LRWD1: variants seen among roughly 807,000 people sequenced by gnomAD.
The protein encoded by LRWD1 is leucine rich repeats and WD repeat domain containing 1, also known as leucine-rich repeat and WD repeat-containing protein 1.
A neutral mutation model predicts 75.6 loss-of-function variants in LRWD1; 76 were observed. The observed-to-expected ratio is 1.01, with a 90% CI of 0.84 to 1.22. The LOEUF (loss-of-function observed/expected upper bound fraction) is 1.22, where lower values mean the gene tolerates loss of function less well. Among genes scored for constraint, LRWD1 ranks in the 50% most tolerant of loss-of-function variants. The pLI is 0.00. For missense variants in LRWD1, 917 were observed against 862.0 expected, an observed-to-expected ratio of 1.06 and a Z score of -0.80; for synonymous variants, 487 against 377.0, an observed-to-expected ratio of 1.29 and a Z score of -3.38.
At chr7:102,466,343 A>C (rs1203753519) in intron 3 of LRWD1, 73 bp downstream of exon 3, 23 of 1,271,174 alleles carry the variant, frequency 1.8e-5, no homozygotes, top group Non-Finnish European at 2.6e-5. Context: ...ATTGGACATC[A>C]GGAGGATGTT....
intron 11 of LRWD1, chr7:102,471,693 C>T (rs1247116629): frequency 6.2e-6 from 1 of 160,496 alleles, no homozygotes; most frequent in South Asian, 1.8e-4. Flanking sequence ...CAAGCAGACA[C>T]TCCCACACAC....
At position 102,468,595 on chromosome 7, in the gene LRWD1, G is replaced by T. The variant is rs1471142179; in HGVS notation, c.961G>T (p.Val321Leu). ...QTVATCGGEAVCVIDCQTGIV... is the reference protein window; with the variant it reads ...QTVATCGGEALCVIDCQTGIV... ...CGTGGCCACGTGCGGCGGGGAGGCT[G>T]TGTGCGTAATTGATTGCCAGACGGG... Residue 321 changes from valine (V) to leucine (L), a missense_variant, in exon 8 of 15, where the codon GTG becomes TTG. Coordinates refer to ENST00000292616, the MANE Select transcript of LRWD1 (RefSeq NM_152892.3). The T allele has an allele frequency of 1.3e-6, 2 of 1,578,432 alleles. No homozygotes were observed. The highest frequency in any genetic ancestry group is 1.7e-6 in the Non-Finnish European group (2 of 1,162,026).
chr7:102,472,333 C>T (rs1368876223), intron 12 of LRWD1, 24 bp downstream of exon 12: 2 of 1,558,230 alleles, frequency 1.3e-6, no homozygotes, highest in Admixed American at 3.9e-5. Context: ...GCTTGTGGGA[C>T]AGCCTGGCCT....
rs1333123359 is a variant in LRWD1 at position 102,472,499 on chromosome 7, G to A, written c.1580G>A (p.Arg527Lys). 8 of 1,548,426 alleles carry A rather than the reference G, an allele frequency of 5.2e-6. No individual in the cohort carries two copies. The highest frequency in any genetic ancestry group is 7.0e-6 in the Non-Finnish European group (8 of 1,146,874). ...GGCACCATCTGCCTGTGGAGCTGGA[G>A]GCAGACGTGGGGGGGCCGGGGCAGC... is the stretch of plus-strand genomic sequence containing the variant. ...GLGTICLWSW[R>K]QTWGGRGSQS... The change falls in exon 13 of 15, where the codon AGG becomes AAG. Residue 527 changes from arginine to lysine, a missense_variant. Arg to Lys is a conservative substitution (Grantham distance 26). Coordinates refer to ENST00000292616, the MANE Select transcript of LRWD1 (RefSeq NM_152892.3).
rs1192461173 is a variant in LRWD1, at chr7:102,469,635, A to G, written c.1290A>G (p.Glu430=). The part of the protein sequence containing the change: ...WDIGVPNQDY[E]FQASQLLTLD... ...TCGGGGTGCCCAACCAGGACTACGA[A>G]TTCCAGGCCAGGTGATGCTTCGGGT... is the stretch of plus-strand genomic sequence containing the variant. Residue 430 remains glutamate (E), a synonymous_variant, in exon 10 of 15, where the codon GAA becomes GAG. Coordinates refer to ENST00000292616, the MANE Select transcript of LRWD1 (RefSeq NM_152892.3). 2.5e-6 allele frequency: 4 copies of G among 1,614,050 alleles called. No homozygotes were observed. The South Asian group carries it at 3.3e-5, about 13-fold the overall frequency.
At chr7:102,472,121 GGCAGGGTCCCCAGCAGGT>G in intron 11 of LRWD1, 79 bp from the exon 12 acceptor site, 1 of 1,102,034 alleles carries the variant, frequency 9.1e-7, no homozygotes, top group Non-Finnish European at 1.4e-6. Flanking sequence ...CTTCACACAG[GGCAGGGTCCCCAGCAGGT>G]GCGCTGCAGA....
At chr7:102,465,347 C>A (rs1011693715) in intron 1 of LRWD1, among the ~76,000 whole-genome samples, 187 bp downstream of exon 1, 13 of 152,314 alleles carry the variant, frequency 8.5e-5, no homozygotes, top group African/African-American at 2.9e-4. Flanking sequence ...GGGGCCTCAT[C>A]CCCTGAAGGG....
intron 3 of LRWD1, among the ~76,000 whole-genome samples, chr7:102,466,701 A>G (rs1299867706): frequency 7.1e-6 from 1 of 140,860 alleles, no homozygotes; most frequent in Non-Finnish European, 1.5e-5. Flanking sequence ...TACAGGTATG[A>G]GTCACCACAC....
Position 102,469,779 on chromosome 7 carries a change from C to T in LRWD1, c.1339C>T (p.Arg447Cys), listed in dbSNP as rs377312037. Residue 447 changes from arginine to cysteine, a missense_variant, in exon 11 of 15, where the codon CGC becomes TGC. By Grantham distance (180) the Arg-to-Cys change is radical (BLOSUM62 -3). Transcript: ENST00000292616. ...ACTGGACACCACCTCTATCCCCCTG[C>T]GCCTCTGCCCTGTCGCCTCCTGCCC... The part of the protein sequence containing the change: ...LTLDTTSIPL[R>C]LCPVASCPDA... 62 of 1,609,268 alleles carry T rather than the reference C, an allele frequency of 3.9e-5. No individual in the cohort carries two copies. Among genetic ancestry groups the T allele is most frequent in the Middle Eastern group, 1.7e-4 (1 of 6,050 alleles).
At position 102,472,505 on chromosome 7, in the gene LRWD1, C is replaced by T. The variant is rs368086160; in HGVS notation, c.1586C>T (p.Thr529Met). The T allele has an allele frequency of 2.3e-5, 36 of 1,551,120 alleles. No homozygotes were observed. The highest frequency in any genetic ancestry group is 1.4e-4 in the East Asian group (6 of 41,672). Residue 529 changes from threonine (T) to methionine (M), a missense_variant, in exon 13 of 15, where the codon ACG (threonine) becomes ATG (methionine). Thr to Met is a moderately conservative substitution (Grantham distance 81). Coordinates refer to ENST00000292616, the MANE Select transcript of LRWD1 (RefSeq NM_152892.3). ...ATCTGCCTGTGGAGCTGGAGGCAGA[C>T]GTGGGGGGGCCGGGGCAGCCAGTCC... ...GTICLWSWRQ[T>M]WGGRGSQSTV...
chr7:102,472,169 C>G (rs1798214098), intron 11 of LRWD1, 49 bp from the exon 12 acceptor site: 2 of 1,527,328 alleles, frequency 1.3e-6, no homozygotes, highest in East Asian at 4.8e-5. Context: ...GAGTGGGCAG[C>G]TCTCTATCTG....
intron 3 of LRWD1, among the ~76,000 whole-genome samples, 194 bp from the exon 4 acceptor site, chr7:102,467,145 C>A: frequency 1.2e-5 from 1 of 85,054 alleles, no homozygotes; most frequent in Non-Finnish European, 2.4e-5. Flanking sequence ...GTGTAGGCAC[C>A]TGGGTTGTTG....
rs1300686221 is a variant in LRWD1, at chr7:102,467,825, T to A, written c.678+2T>A. 1 of 1,549,444 alleles carries A rather than the reference T, an allele frequency of 6.5e-7. No individual in the cohort carries two copies. The highest frequency in any genetic ancestry group is 8.7e-7 in the Non-Finnish European group (1 of 1,146,706). On this transcript the variant is annotated splice_donor_variant, in intron 5 of 14. Transcript: ENST00000292616. LOFTEE classifies it high-confidence loss of function. ...GCTGGAGCTGCCCACAAGCCCAGGG[T>A]GAGTGCAGCTCCCAGGGCTCTGAGG...
intron 2 of LRWD1, 47 bp downstream of exon 2, chr7:102,466,098 G>C (rs1386169486): frequency 6.2e-7 from 1 of 1,612,826 alleles, no homozygotes; most frequent in Non-Finnish European, 8.5e-7. Context: ...CCAGGACTCT[G>C]TTGGGCTCAG....
In LRWD1 at chr7:102,472,606, C is replaced by G. The variant is rs770459556; in HGVS notation, c.1687C>G (p.Pro563Ala). Residue 563 changes from proline (P) to alanine (A), a missense_variant, in exon 13 of 15, where the codon CCT (proline) becomes GCT (alanine). Physicochemically the swap from Pro to Ala is conservative, Grantham distance 27. Coordinates refer to ENST00000292616, the MANE Select transcript of LRWD1 (RefSeq NM_152892.3). ...ELAYFSLSAC[P>A]DKGIVLCGDE... ...GGCCTACTTCTCGCTCAGCGCCTGC[C>G]CTGGTGAGCCTGCCCCCCTGCCCGC... 1.8e-5 allele frequency: 29 copies of G among 1,609,196 alleles called. No individual in the cohort carries two copies. The African/African-American group carries it at 3.5e-4, about 19-fold the overall frequency.
intron 10 of LRWD1, 22 bp downstream of exon 10, chr7:102,469,668 G>T (rs201783652): frequency 1.6e-5 from 26 of 1,614,002 alleles, no homozygotes; most frequent in Non-Finnish European, 5.1e-6. Flanking sequence ...GGTGAGGCTG[G>T]GGAGTGGCCA....
intron 11 of LRWD1, 99 bp from the exon 12 acceptor site, chr7:102,472,119 A>G: frequency 9.2e-7 from 1 of 1,084,204 alleles, no homozygotes; most frequent in South Asian, 1.4e-5. Context: ...GCCTTCACAC[A>G]GGGCAGGGTC....
chr7:102,472,900 C>G lies in LRWD1; in HGVS notation c.1804-9C>G, dbSNP rs779504212. The G allele has an allele frequency of 4.3e-6, 7 of 1,612,188 alleles. No individual in the cohort carries two copies. The highest frequency in any genetic ancestry group is 5.9e-6 in the Non-Finnish European group (7 of 1,178,634). On this transcript the variant is annotated splice_polypyrimidine_tract_variant and intron_variant, in intron 14 of 14. Coordinates refer to ENST00000292616, the MANE Select transcript of LRWD1 (RefSeq NM_152892.3). ...AGCCCAGCCCAGCCCTCCCCTCTCT[C>G]CCCACCAGATCCTGAAGTGGCCCCA... is the stretch of plus-strand genomic sequence containing the variant.
In LRWD1 at chr7:102,472,976, T is replaced by C. The variant is rs191022008; in HGVS notation, c.1871T>C (p.Val624Ala). ...ACCAAGACCATGGTGAACACAGTGG[T>C]GGCCAATGCCTCCTTCACCTACCTC... ...VVTKTMVNTV[V>A]ANASFTYLTA... Residue 624 changes from valine to alanine, a missense_variant, in exon 15 of 15, where the codon GTG becomes GCG. Coordinates refer to ENST00000292616, the MANE Select transcript of LRWD1 (RefSeq NM_152892.3). 24 of 1,614,032 alleles carry C rather than the reference T, an allele frequency of 1.5e-5. No homozygotes were observed. In the African/African-American group the frequency reaches 2.4e-4, roughly 16 times the overall value.
Sources: allele counts gnomAD v4.1 joint callset (sites outside exome capture counted in the v4.1 genomes callset), GRCh38; gene constraint gnomAD v4.1.1; transcripts MANE v1.5; gene names NCBI Gene and HGNC (gene_info 2026-07-23, HGNC 2026-07-21).